The following PRKCI variants were observed in gnomAD, a reference collection of about 807,000 sequenced individuals.
PRKCI encodes the protein protein kinase C iota type.
PRKCI carries 43 observed loss-of-function variants against 84.0 expected under a neutral mutation model. That is an observed-to-expected ratio of 0.51 (90% CI 0.40 to 0.66). The LOEUF is 0.66. PRKCI is among the 30% of genes least tolerant of loss of function. The pLI, the probability that PRKCI is intolerant of heterozygous loss-of-function variation, is 0.00. For missense variants in PRKCI, 459 were observed against 745.6 expected (o/e 0.62, Z 4.48); for synonymous variants, 216 against 234.4 (o/e 0.92, Z 0.72).
chr3:170,223,679 T>TAA (rs1732555984), intron 1 of PRKCI, among the ~76,000 whole-genome samples: 1 of 152,158 alleles, frequency 6.6e-6, no homozygotes, highest in South Asian at 2.1e-4. Flanking sequence ...AGTGTGACCA[T>TAA]AAAGGTTGGA....
rs1733275346 is a variant in PRKCI, at chr3:170,246,019, AT to A, written c.223+10669del. On this transcript the variant is annotated intron_variant, in intron 2 of 17. Coordinates refer to ENST00000295797, the MANE Select transcript of PRKCI (RefSeq NM_002740.6). The stretch of plus-strand genomic sequence containing the variant: ...ACCCAGGCTGGAATGCAGTGGTGTG[AT>A]CATGGCTCACTGCAGCCTACCTCTC... Among the ~76,000 whole-genome samples, 9 of 131,176 alleles carry A rather than the reference AT, an allele frequency of 6.9e-5. 1 individual carries two copies. The South Asian group carries it at 7.2e-4, about 10-fold the overall frequency. The allele number at this position is 131,176 out of a possible 152,430, so 86.1% of individuals were successfully genotyped here.
intron 2 of PRKCI, among the ~76,000 whole-genome samples, chr3:170,236,680 T>G (rs1054974448): frequency 6.6e-6 from 1 of 151,798 alleles, no homozygotes; most frequent in East Asian, 1.9e-4. Flanking sequence ...TGGGCAACAT[T>G]GTGAGACCCT....
intron 13 of PRKCI, among the ~76,000 whole-genome samples, 163 bp downstream of exon 13, chr3:170,292,104 C>T (rs898297821): frequency 3.9e-5 from 6 of 152,108 alleles, no homozygotes; most frequent in Admixed American, 1.3e-4. Context: ...ACTTTGAAAT[C>T]GAGACAGTGG....
intron 8 of PRKCI, among the ~76,000 whole-genome samples, chr3:170,277,834 T>A (rs1435681526): frequency 6.6e-6 from 1 of 152,256 alleles, no homozygotes; most frequent in Non-Finnish European, 1.5e-5. Context: ...AAATTCTGTG[T>A]GTGTGTATAT....
At chr3:170,300,678 C>G (rs1408216947) in intron 17 of PRKCI, among the ~76,000 whole-genome samples, 1 of 145,564 alleles carries the variant, frequency 6.9e-6, no homozygotes, top group Non-Finnish European at 1.5e-5. Context: ...CATTGATTGT[C>G]TTGAATTTTT....
intron 5 of PRKCI, among the ~76,000 whole-genome samples, chr3:170,269,569 C>T (rs927099334): frequency 4.6e-5 from 7 of 152,066 alleles, no homozygotes; most frequent in African/African-American, 1.7e-4. Context: ...AAGCTTGAGC[C>T]CAGGACGTTG....
At chr3:170,302,568 G>C (rs1734848482) in intron 17 of PRKCI, among the ~76,000 whole-genome samples, 1 of 152,246 alleles carries the variant, frequency 6.6e-6, no homozygotes, top group Admixed American at 6.5e-5. Flanking sequence ...TGTGACCCAT[G>C]ATCTCCCTGC....
chr3:170,300,949 G>T (rs1001864996), intron 17 of PRKCI, among the ~76,000 whole-genome samples: 4 of 152,046 alleles, frequency 2.6e-5, no homozygotes, highest in Non-Finnish European at 4.4e-5. Flanking sequence ...ATGCTCCATG[G>T]TTCTGTTCAT....
Position 170,273,356 on chromosome 3 carries a change from G to A in PRKCI, c.646+16G>A, listed in dbSNP as rs376918788. The A allele has an allele frequency of 1.2e-5, 20 of 1,610,322 alleles. No homozygotes were observed. The African/African-American group carries it at 1.5e-4, about 12-fold the overall frequency. ...GCACAGACAGGTAAGAGTGGTGCTG[G>A]CACAACCCATTGTTCATTCACAGAG... On this transcript the variant is annotated intron_variant, in intron 7 of 17. Transcript: ENST00000295797.
At chr3:170,224,278 T>A (rs888466388) in intron 1 of PRKCI, among the ~76,000 whole-genome samples, 5 of 152,088 alleles carry the variant, frequency 3.3e-5, no homozygotes, top group Admixed American at 3.3e-4. Flanking sequence ...GGAGTTATAT[T>A]GGACAGTATG....
intron 2 of PRKCI, among the ~76,000 whole-genome samples, chr3:170,251,159 T>C (rs1468213587): frequency 6.6e-6 from 1 of 152,160 alleles, no homozygotes; most frequent in Non-Finnish European, 1.5e-5. Context: ...CAATTGAGTG[T>C]CATAAAACGA....
intron 17 of PRKCI, among the ~76,000 whole-genome samples, chr3:170,301,711 C>A (rs1450615043): frequency 6.6e-5 from 10 of 152,132 alleles, no homozygotes; most frequent in Non-Finnish European, 5.9e-5. Context: ...CTAGTTCAGG[C>A]CTCATTCAAG....
At chr3:170,298,384 G>A (rs1734737986) in intron 16 of PRKCI, among the ~76,000 whole-genome samples, 1 of 151,144 alleles carries the variant, frequency 6.6e-6, no homozygotes. Flanking sequence ...ATAAGCCATG[G>A]TACCCAGCTA....
chr3:170,252,766 A>T (rs1234527662), intron 2 of PRKCI, among the ~76,000 whole-genome samples: 1 of 151,754 alleles, frequency 6.6e-6, no homozygotes, highest in Non-Finnish European at 1.5e-5. Flanking sequence ...GTTTTTTAAA[A>T]TTTTTTGTAG....
intron 1 of PRKCI, among the ~76,000 whole-genome samples, chr3:170,227,674 C>T (rs185002191): frequency 6.6e-6 from 1 of 152,300 alleles, no homozygotes; most frequent in East Asian, 1.9e-4. Flanking sequence ...GAAGTGGGCA[C>T]TGATGAGAAA....
rs567354558 is a variant in PRKCI at position 170,231,518 on chromosome 3, G to A, written c.102-3712G>A. Among the ~76,000 whole-genome samples the A allele has an allele frequency of 1.3e-3, 192 of 152,028 alleles. 2 individuals are homozygous for A. The highest frequency in any genetic ancestry group is 3.9e-3 in the African/African-American group (163 of 41,462). ...CTCACTCTGTCGCCCAGGCTGGAGT[G>A]TAGTGGCGTGATCTCGGCTCACTGC... On this transcript the variant is annotated intron_variant, in intron 1 of 17. Transcript: ENST00000295797.
intron 1 of PRKCI, among the ~76,000 whole-genome samples, chr3:170,226,738 G>A (rs942317737): frequency 3.9e-5 from 6 of 152,130 alleles, no homozygotes; most frequent in Admixed American, 2.0e-4. Flanking sequence ...GATTATTTTA[G>A]CAATATACTT....
At chr3:170,289,684 G>A (rs755160393) in intron 12 of PRKCI, among the ~76,000 whole-genome samples, 6 of 152,106 alleles carry the variant, frequency 3.9e-5, no homozygotes, top group East Asian at 3.9e-4. Context: ...AGGCCGAGGC[G>A]GGTGGATCAC....
intron 13 of PRKCI, 72 bp from the exon 14 acceptor site, chr3:170,293,311 A>AT: frequency 7.0e-7 from 1 of 1,427,854 alleles, no homozygotes; most frequent in Non-Finnish European, 9.5e-7. Context: ...CCTTTATGTG[A>AT]TAAAATTTCC....
Sources: allele counts gnomAD v4.1 joint callset (sites outside exome capture counted in the v4.1 genomes callset), GRCh38; gene constraint gnomAD v4.1.1; transcripts MANE v1.5; gene names NCBI Gene and HGNC (gene_info 2026-07-23, HGNC 2026-07-21).